FGD6: variants seen among roughly 807,000 people sequenced by gnomAD.
FGD6 encodes FYVE, RhoGEF and PH domain containing 6, also known as FYVE, RhoGEF and PH domain-containing protein 6.
A neutral mutation model predicts 149.4 loss-of-function variants in FGD6; 90 were observed. That is an observed-to-expected ratio of 0.60 (90% CI 0.51 to 0.72). FGD6 has a LOEUF of 0.72. FGD6 is among the 30% of genes least tolerant of loss of function. FGD6 has a pLI of 0.00. For synonymous variants in FGD6, 527 were observed against 584.0 expected (o/e 0.90, Z 1.41); for missense variants, 1,437 against 1,684.8 (o/e 0.85, Z 2.57).
intron 19 of FGD6, 180 bp downstream of exon 19, chr12:95,085,600 G>T: frequency 1.7e-6 from 1 of 590,606 alleles, no homozygotes; most frequent in Non-Finnish European, 2.7e-6. Flanking sequence ...TTGAGAAAGA[G>T]CTCTCCAGGT....
Position 95,211,166 on chromosome 12 carries a change from T to G in FGD6, c.118A>C (p.Ser40Arg), listed in dbSNP as rs770111047. The change falls in exon 2 of 21, where the codon AGT (serine) becomes CGT (arginine). Residue 40 changes from serine to arginine, a missense_variant. Physicochemically the swap from Ser to Arg is moderately radical, Grantham distance 110 (BLOSUM62 -1). Coordinates refer to ENST00000343958, the MANE Select transcript of FGD6 (RefSeq NM_018351.4). ...ATTTTCTTTGTCGACTGTGGAACAC[T>G]AGAAATCACAATGTCGGGTTTAGGT... ...IAPKPDIVIS[S>R]VPQSTKKMKP... is the part of the protein sequence containing the mutation. 1.2e-6 allele frequency: 2 copies of G among 1,614,186 alleles called. No individual in the cohort carries two copies. Among genetic ancestry groups the G allele is most frequent in the Admixed American group, 3.3e-5 (2 of 60,024 alleles).
chr12:95,113,567 T>C, intron 9 of FGD6, 84 bp downstream of exon 9: 1 of 1,085,572 alleles, frequency 9.2e-7, no homozygotes, highest in Non-Finnish European at 1.4e-6. Context: ...TTGTAATGGA[T>C]TTTGTTATCA....
Position 95,209,911 on chromosome 12 carries a change from T to C in FGD6, c.1373A>G (p.Gln458Arg). Residue 458 changes from glutamine (Q) to arginine (R), a missense_variant, in exon 2 of 21, where the codon CAG becomes CGG. Physicochemically the swap from Gln to Arg is conservative, Grantham distance 43. This residue lies in a region of FGD6 where 1,055 missense variants were observed against 1,146.0 expected (regional missense o/e 0.92). Transcript: ENST00000343958. ...RCTVSMSLPK[Q>R]LKLTCNEHLQ... ...ATGTTCATTGCAAGTTAATTTGAGCTGCTTAGGCAGGCTCATAGATACAGT... is the reference window on the plus strand; with the variant it reads ...ATGTTCATTGCAAGTTAATTTGAGCCGCTTAGGCAGGCTCATAGATACAGT... 6.2e-7 allele frequency: 1 copy of C among 1,613,506 alleles called. No homozygotes were observed. Among genetic ancestry groups the C allele is most frequent in the Non-Finnish European group, 8.5e-7 (1 of 1,179,936 alleles).
chr12:95,185,667 C>G (rs184833864), intron 2 of FGD6, among the ~76,000 whole-genome samples: 16 of 152,246 alleles, frequency 1.1e-4, no homozygotes, highest in African/African-American at 3.9e-4. Context: ...TCGAGACCAG[C>G]CTGGTCAACA....
chr12:95,215,765 T>A (rs1045169176), intron 1 of FGD6, among the ~76,000 whole-genome samples: 8 of 152,240 alleles, frequency 5.3e-5, no homozygotes, highest in African/African-American at 1.9e-4. Flanking sequence ...TACATAAATG[T>A]GAAATTACAT....
chr12:95,102,450 A>AAAAAC (rs1878475715), intron 14 of FGD6, among the ~76,000 whole-genome samples: 1 of 79,436 alleles, frequency 1.3e-5, no homozygotes, highest in Admixed American at 1.6e-4. Context: ...TCTCAAAAAA[A>AAAAAC]AAAAAAAAAA....
chr12:95,115,931 G>A (rs999050899), intron 8 of FGD6, among the ~76,000 whole-genome samples: 21 of 152,140 alleles, frequency 1.4e-4, no homozygotes, highest in African/African-American at 4.8e-4. Flanking sequence ...GAGATGTTAT[G>A]TATAAACATA....
intron 20 of FGD6, among the ~76,000 whole-genome samples, chr12:95,084,097 T>C (rs1327052578): frequency 6.6e-6 from 1 of 152,234 alleles, no homozygotes; most frequent in Non-Finnish European, 1.5e-5. Flanking sequence ...TTTAAACTCC[T>C]GCTGTTCCAT....
intron 12 of FGD6, 71 bp downstream of exon 12, chr12:95,107,492 G>A (rs1878668212): frequency 6.8e-7 from 1 of 1,466,820 alleles, no homozygotes. Flanking sequence ...TATCTACCAT[G>A]TATAAACGTC....
At chr12:95,182,552 G>A (rs899420210) in intron 2 of FGD6, among the ~76,000 whole-genome samples, 1 of 152,114 alleles carries the variant, frequency 6.6e-6, no homozygotes, top group African/African-American at 2.4e-5. Flanking sequence ...ATATAAAAAT[G>A]GTGATGCCAT....
intron 3 of FGD6, among the ~76,000 whole-genome samples, chr12:95,172,150 T>G (rs897706038): frequency 6.6e-6 from 1 of 150,860 alleles, no homozygotes; most frequent in South Asian, 2.1e-4. Context: ...CTGAGGCGGG[T>G]GGATCACTTG....
intron 8 of FGD6, chr12:95,125,804 C>T (rs1465872331): frequency 1.3e-5 from 11 of 823,144 alleles, no homozygotes; most frequent in South Asian, 9.4e-5. Flanking sequence ...CAACCTACGT[C>T]GCCTTTGGAC....
intron 8 of FGD6, among the ~76,000 whole-genome samples, chr12:95,125,257 C>T (rs910968464): frequency 6.6e-6 from 1 of 152,146 alleles, no homozygotes; most frequent in Non-Finnish European, 1.5e-5. Flanking sequence ...ATGTGCTACC[C>T]TTGATCTTAG....
chr12:95,086,525 ATTTTTTTTTTCTTTTTTT>A (rs1054937096), intron 18 of FGD6, among the ~76,000 whole-genome samples: 12 of 125,102 alleles, frequency 9.6e-5, no homozygotes, highest in Non-Finnish European at 1.7e-4. Flanking sequence ...TTACTGATTG[ATTTTTTTTTTCTTTTTTT>A]TTTTTTTTTT....
chr12:95,138,246 A>AACTCACTC (rs767370417), intron 6 of FGD6, among the ~76,000 whole-genome samples: 35 of 143,868 alleles, frequency 2.4e-4, no homozygotes, highest in African/African-American at 8.8e-4. Context: ...ATAAATAAAT[A>AACTCACTC]ACTCACTCAC....
At chr12:95,180,315 T>C (rs540583765) in intron 2 of FGD6, among the ~76,000 whole-genome samples, 93 of 151,590 alleles carry the variant, frequency 6.1e-4, no homozygotes, top group African/African-American at 2.2e-3. Context: ...GAAAAACTGA[T>C]AAATATAGTT....
Position 95,149,325 on chromosome 12 carries a change from TATATA to T in FGD6, c.2685+3481_2685+3485del, listed in dbSNP as rs1168027079. ...ATATATTATATTATATAGCATATAT[TATATA>T]ATATATTATATAATATATAGCATAT... On this transcript the variant is annotated intron_variant, in intron 5 of 20. Transcript: ENST00000343958. Among the ~76,000 whole-genome samples, 12 of 100,580 alleles carry T rather than the reference TATATA, an allele frequency of 1.2e-4. No homozygotes were observed. In the East Asian group the frequency reaches 1.9e-3, roughly 16 times the overall value. The allele number at this position is 100,580 out of a possible 152,430, so 66.0% of individuals were successfully genotyped here.
chr12:95,164,341 A>C (rs1273199311), intron 3 of FGD6, among the ~76,000 whole-genome samples: 1 of 146,762 alleles, frequency 6.8e-6, no homozygotes, highest in Non-Finnish European at 1.5e-5. Flanking sequence ...TCCCTGGTTC[A>C]CGCCATTCTC....
chr12:95,153,027 A>G lies in FGD6; in HGVS notation c.2587-34T>C, dbSNP rs560456785. ...AAGAGCACATTTAACATGAACTCAT[A>G]AAAGAATAATGAAGATCAGCTATGA... On this transcript the variant is annotated intron_variant, in intron 3 of 20. Transcript: ENST00000343958. 23 of 1,587,596 alleles carry G rather than the reference A, an allele frequency of 1.4e-5. No individual in the cohort carries two copies. In the South Asian group the frequency reaches 2.2e-4, roughly 15 times the overall value.
Sources: allele counts gnomAD v4.1 joint callset (sites outside exome capture counted in the v4.1 genomes callset), GRCh38; gene constraint gnomAD v4.1.1; regional missense constraint gnomAD v4.1.1; transcripts MANE v1.5; gene names NCBI Gene and HGNC (gene_info 2026-07-23, HGNC 2026-07-21).